The following USP35 variants were observed in gnomAD, a reference collection of about 807,000 sequenced individuals.
USP35 encodes the protein ubiquitin carboxyl-terminal hydrolase 35.
Under a neutral mutation model 83.8 loss-of-function variants are expected in USP35, and 69 were observed. The observed-to-expected ratio is 0.82, with a 90% CI of 0.68 to 1.01. USP35 has a LOEUF of 1.01. Among genes scored for constraint, USP35 ranks in the 50% least tolerant of loss-of-function variants. The pLI is 0.00. For missense variants in USP35, 1,503 were observed against 1,362.5 expected, an observed-to-expected ratio of 1.10 and a Z score of -1.62; for synonymous variants, 714 against 589.5, an observed-to-expected ratio of 1.21 and a Z score of -3.06.
intron 2 of USP35, 123 bp downstream of exon 2, chr11:78,197,041 C>T: frequency 1.5e-6 from 2 of 1,358,440 alleles, no homozygotes; most frequent in Non-Finnish European, 1.9e-6. Context: ...TGCCAGGCGG[C>T]GAATGCTCAG....
At chr11:78,237,078 C>A in the USP35 span, among the ~76,000 whole-genome samples, 9 of 152,120 alleles carry the variant, frequency 5.9e-5, no homozygotes, top group Non-Finnish European at 1.2e-4. Flanking sequence ...GTGAAAGAAT[C>A]CCCTCCTCCT....
Position 78,210,611 on chromosome 11 carries a change from A to T in USP35, c.2756A>T (p.Tyr919Phe). 6.2e-7 allele frequency: 1 copy of T among 1,614,152 alleles called. No individual in the cohort carries two copies. Among genetic ancestry groups the T allele is most frequent in the Admixed American group, 1.7e-5 (1 of 60,020 alleles). ...TCCTTCTTCCCTAAGGACACAGCCTATGTGCTGTTTTACCGGCAGCGGCCC... is the reference window on the plus strand; with the variant it reads ...TCCTTCTTCCCTAAGGACACAGCCTTTGTGCTGTTTTACCGGCAGCGGCCC... ...VTSFFPKDTAYVLFYRQRPRE... is the reference protein window; with the variant it reads ...VTSFFPKDTAFVLFYRQRPRE... The change falls in exon 10 of 11, where the codon TAT becomes TTT. Residue 919 changes from tyrosine (Y) to phenylalanine (F), a missense_variant. Physicochemically the swap from Tyr to Phe is conservative, Grantham distance 22. Coordinates refer to ENST00000529308, the MANE Select transcript of USP35 (RefSeq NM_020798.4).
intron 10 of USP35, 31 bp from the exon 11 acceptor site, chr11:78,213,615 A>C: frequency 2.1e-6 from 2 of 967,722 alleles, no homozygotes; most frequent in Middle Eastern, 3.7e-4. Flanking sequence ...GTGAATTCTA[A>C]GTCTAAGTCT....
At position 78,213,655 on chromosome 11, in the gene USP35, AAGGAGGCCCGGAGC is replaced by A; in HGVS notation, c.2903_2916del (p.Glu968GlyfsTer18). On this transcript the variant is annotated frameshift_variant, in exon 11 of 11. Transcript: ENST00000529308. LOFTEE classifies it high-confidence loss of function. ...TCATCTGTGTTCCCAGGAGCAGGAG[AAGGAGGCCCGGAGC>A]AGGGCGGCCTACATCTCTGCACTCC... 1 of 1,491,486 alleles carries A rather than the reference AAGGAGGCCCGGAGC, an allele frequency of 6.7e-7. No homozygotes were observed. Among genetic ancestry groups the A allele is most frequent in the Non-Finnish European group, 8.9e-7 (1 of 1,126,746 alleles). 92.4% of individuals were successfully genotyped at this position (1,491,486 alleles called of 1,614,324 possible).
chr11:78,219,488 G>C (rs979921168), downstream of USP35: 1 of 1,397,972 alleles, frequency 7.2e-7, no homozygotes, highest in South Asian at 1.2e-5. Flanking sequence ...AGGTGGGCAC[G>C]GGATCTTCCT....
intron 10 of USP35, among the ~76,000 whole-genome samples, chr11:78,211,829 ACT>A (rs761333640): frequency 1.3e-5 from 2 of 151,862 alleles, no homozygotes; most frequent in East Asian, 1.9e-4. Context: ...TTCCTTGTAG[ACT>A]CTGGATATCG....
chr11:78,192,846 G>A (rs566025050), intron 1 of USP35, among the ~76,000 whole-genome samples: 1 of 152,148 alleles, frequency 6.6e-6, no homozygotes, highest in East Asian at 1.9e-4. Context: ...ATGAGTCAGG[G>A]CTAGAATGTA....
intron 1 of USP35, among the ~76,000 whole-genome samples, chr11:78,193,705 C>T (rs1380207972): frequency 6.6e-6 from 1 of 152,128 alleles, no homozygotes; most frequent in Non-Finnish European, 1.5e-5. Context: ...TTTATGGGAA[C>T]CAGAATGTAT....
Position 78,200,706 on chromosome 11 carries a change from G to T in USP35, c.1095G>T (p.Ser365=), listed in dbSNP as rs758684728. The change falls in exon 6 of 11, where the codon TCG becomes TCT. Residue 365 remains serine (S), a synonymous_variant. Transcript: ENST00000529308. ...VASLVKEDSN[S]GTSCLEQLAE... is the part of the protein sequence containing the mutation. ...CTCTGGTCAAGGAGGACTCGAACTC[G>T]GGGACCAGCTGCCTGGAGCAGCTGG... 1.9e-6 allele frequency: 3 copies of T among 1,614,056 alleles called. No homozygotes were observed. The highest frequency in any genetic ancestry group is 8.5e-7 in the Non-Finnish European group (1 of 1,179,968).
In USP35 at chr11:78,200,149, TGTA is replaced by T. The variant is rs771286034; in HGVS notation, c.954_956del (p.Tyr319del). 4 of 1,614,234 alleles carry T rather than the reference TGTA, an allele frequency of 2.5e-6. No homozygotes were observed. The highest frequency in any genetic ancestry group is 3.4e-6 in the Non-Finnish European group (4 of 1,180,038). ...CTCTTGTAGGTTTTCTCTAAGCTGC[TGTA>T]CCCCATCGTCCGGGGAGCTGCCTTG... On this transcript the variant is annotated inframe_deletion, in exon 5 of 11. Coordinates refer to ENST00000529308, the MANE Select transcript of USP35 (RefSeq NM_020798.4).
the USP35 span, chr11:78,223,489 G>A: frequency 6.2e-7 from 1 of 1,609,448 alleles, no homozygotes; most frequent in Non-Finnish European, 8.5e-7. Context: ...TCGGTGCACA[G>A]GAAGGGTTGT....
chr11:78,200,959 C>G (rs769776903), intron 6 of USP35, 151 bp downstream of exon 6: 54 of 1,181,442 alleles, frequency 4.6e-5, no homozygotes, highest in Non-Finnish European at 5.6e-5. Flanking sequence ...TCATGTGCCT[C>G]AAGCACACTG....
the USP35 span, chr11:78,226,947 C>T: frequency 3.1e-6 from 5 of 1,613,844 alleles, no homozygotes; most frequent in Non-Finnish European, 3.4e-6. Flanking sequence ...GACTTGACCA[C>T]TGATCCCGTT....
chr11:78,204,472 T>C (rs1376121136), intron 6 of USP35, among the ~76,000 whole-genome samples: 1 of 152,176 alleles, frequency 6.6e-6, no homozygotes, highest in Non-Finnish European at 1.5e-5. Flanking sequence ...TCTAGTAACA[T>C]TATTAGGTTC....
chr11:78,233,128 C>A, the USP35 span, among the ~76,000 whole-genome samples: 1 of 149,552 alleles, frequency 6.7e-6, no homozygotes, highest in Non-Finnish European at 1.5e-5. Flanking sequence ...CAACCTCCGC[C>A]TCCTGGGCTC....
chr11:78,199,637 C>G lies in USP35; in HGVS notation c.849C>G (p.Asp283Glu), dbSNP rs781087157. 1.2e-6 allele frequency: 2 copies of G among 1,614,042 alleles called. No homozygotes were observed. The highest frequency in any genetic ancestry group is 1.1e-5 in the South Asian group (1 of 91,076). ...CCTGGCCCCTGGGGAAGAATATTGACAAGTGGATCATTGCACTGCTGAAGG... is the reference window on the plus strand; with the variant it reads ...CCTGGCCCCTGGGGAAGAATATTGAGAAGTGGATCATTGCACTGCTGAAGG... ...WVSWPLGKNI[D>E]KWIIALLKGL... is the part of the protein sequence containing the mutation. The change falls in exon 4 of 11, where the codon GAC becomes GAG. Residue 283 changes from aspartate to glutamate, a missense_variant. Physicochemically the swap from Asp to Glu is conservative, Grantham distance 45. Transcript: ENST00000529308.
At chr11:78,212,948 C>G (rs1259400856) in intron 10 of USP35, among the ~76,000 whole-genome samples, 1 of 152,118 alleles carries the variant, frequency 6.6e-6, no homozygotes, top group Non-Finnish European at 1.5e-5. Flanking sequence ...ACGTGAGCCT[C>G]CTGTGTGACT....
Position 78,196,410 on chromosome 11 carries a change from G to A in USP35, c.165G>A (p.Glu55=). ...GARLYVGGAE[E]LPRRVGCQLL... is the part of the protein sequence containing the mutation. ...GCCTCTACGTGGGCGGCGCGGAGGAGCTGCCGCGCCGCGTGGGCTGCCAGC... is the reference window on the plus strand; with the variant it reads ...GCCTCTACGTGGGCGGCGCGGAGGAACTGCCGCGCCGCGTGGGCTGCCAGC... Residue 55 remains glutamate (E), a synonymous_variant, in exon 2 of 11, where the codon GAG becomes GAA. Transcript: ENST00000529308. This position sits in a 1 kb window ranked among gnomAD's most constrained non-coding sequence, Gnocchi z 4.8. 1 of 1,319,848 alleles carries A rather than the reference G, an allele frequency of 7.6e-7. No individual in the cohort carries two copies. The highest frequency in any genetic ancestry group is 9.6e-7 in the Non-Finnish European group (1 of 1,039,718). 81.8% of individuals were successfully genotyped at this position (1,319,848 alleles called of 1,614,324 possible).
chr11:78,204,150 A>C (rs561690280), intron 6 of USP35, among the ~76,000 whole-genome samples: 1 of 152,096 alleles, frequency 6.6e-6, no homozygotes, highest in Non-Finnish European at 1.5e-5. Flanking sequence ...TCGGCCTCCC[A>C]AAGTGCTGGG....
Sources: allele counts gnomAD v4.1 joint callset (sites outside exome capture counted in the v4.1 genomes callset), GRCh38; gene constraint gnomAD v4.1.1; non-coding constraint Gnocchi (gnomAD v3.1); transcripts MANE v1.5; gene names NCBI Gene and HGNC (gene_info 2026-07-23, HGNC 2026-07-21).